The following SORCS1 variants were observed in gnomAD, a reference collection of about 807,000 sequenced individuals.
SORCS1 encodes the protein sortilin related VPS10 domain containing receptor 1, also known as VPS10 domain-containing receptor SorCS1.
In SORCS1, 60 loss-of-function variants were observed where a neutral mutation model predicts 146.1. That is an observed-to-expected ratio of 0.41 (90% CI 0.33 to 0.51). The LOEUF (loss-of-function observed/expected upper bound fraction) is 0.51, where lower values mean the gene tolerates loss of function less well. Ranked by LOEUF, SORCS1 falls within the 20% of genes least tolerant of loss-of-function variation. The probability of loss-of-function intolerance (pLI) is 0.21; values close to 1 mark genes in which losing one functional copy is unlikely to be tolerated. For synonymous variants in SORCS1, 637 were observed against 584.0 expected, an observed-to-expected ratio of 1.09 and a Z score of -1.31; for missense variants, 1,352 against 1,487.6, an observed-to-expected ratio of 0.91 and a Z score of 1.50.
chr10:106,767,397 T>C (rs949352240), intron 4 of SORCS1, among the ~76,000 whole-genome samples: 1 of 152,224 alleles, frequency 6.6e-6, no homozygotes, highest in Non-Finnish European at 1.5e-5. Context: ...GTGGGCGAGT[T>C]TGATTTGTGA....
At chr10:107,084,092 G>GTT (rs34590427) in intron 1 of SORCS1, among the ~76,000 whole-genome samples, 74 of 113,736 alleles carry the variant, frequency 6.5e-4, no homozygotes, top group East Asian at 2.4e-3. Flanking sequence ...GTTGTTTTTT[G>GTT]TTTTTTTTTT....
At chr10:107,148,562 T>C (rs1968522174) in intron 1 of SORCS1, among the ~76,000 whole-genome samples, 1 of 152,360 alleles carries the variant, frequency 6.6e-6, no homozygotes, top group African/African-American at 2.4e-5. Context: ...GCCACCCCTG[T>C]GTAAATTACC....
At chr10:106,773,341 C>A (rs1860169900) in intron 4 of SORCS1, among the ~76,000 whole-genome samples, 1 of 152,230 alleles carries the variant, frequency 6.6e-6, no homozygotes, top group Non-Finnish European at 1.5e-5. Context: ...TTCCACGACC[C>A]ATGGGGGACT....
At chr10:106,720,558 T>C (rs1247011554) in intron 6 of SORCS1, among the ~76,000 whole-genome samples, 2 of 120,922 alleles carry the variant, frequency 1.7e-5, no homozygotes, top group Non-Finnish European at 3.7e-5. Flanking sequence ...ATGCCGATGC[T>C]ACTTTTTTTT....
intron 1 of SORCS1, among the ~76,000 whole-genome samples, chr10:107,109,208 A>G (rs1031335743): frequency 2.0e-5 from 3 of 152,242 alleles, no homozygotes; most frequent in African/African-American, 7.2e-5. Flanking sequence ...GCAGTGCCAC[A>G]GTGAGGACTC....
Position 107,129,412 on chromosome 10 carries a change from A to T in SORCS1, c.558+34557T>A, listed in dbSNP as rs115220917. Among the ~76,000 whole-genome samples, 323 of 152,306 alleles carry T rather than the reference A, an allele frequency of 2.1e-3. 1 individual carries two copies. Among genetic ancestry groups the T allele is most frequent in the African/African-American group, 7.6e-3 (314 of 41,550 alleles). The stretch of plus-strand genomic sequence containing the variant: ...AAGAGAAATACAATGATTGGGCTCA[A>T]TTGCTCACTGGCATAAAAAGAAGGG... On this transcript the variant is annotated intron_variant, in intron 1 of 25. Transcript: ENST00000263054.
intron 2 of SORCS1, among the ~76,000 whole-genome samples, chr10:106,875,108 C>T (rs1950548506): frequency 6.6e-6 from 1 of 152,040 alleles, no homozygotes; most frequent in South Asian, 2.1e-4. Flanking sequence ...ATCCCACATC[C>T]CCCTTCCACT....
intron 17 of SORCS1, among the ~76,000 whole-genome samples, chr10:106,657,110 A>C (rs1358997615): frequency 6.6e-6 from 1 of 152,198 alleles, no homozygotes; most frequent in Non-Finnish European, 1.5e-5. Flanking sequence ...CTGGGCATCT[A>C]CCAAAAGGAA....
At chr10:106,980,893 T>G (rs1402138268) in intron 1 of SORCS1, among the ~76,000 whole-genome samples, 2 of 152,200 alleles carry the variant, frequency 1.3e-5, no homozygotes, top group Admixed American at 6.5e-5. Context: ...CAATTCTTCA[T>G]TCTTCTCCTT....
intron 6 of SORCS1, among the ~76,000 whole-genome samples, chr10:106,720,582 A>G (rs1855713263): frequency 6.6e-6 from 1 of 151,574 alleles, no homozygotes; most frequent in Admixed American, 6.6e-5. Flanking sequence ...GTACGATGCT[A>G]CTTTTTTTTT....
intron 5 of SORCS1, among the ~76,000 whole-genome samples, chr10:106,739,563 C>T: frequency 6.6e-6 from 1 of 151,618 alleles, no homozygotes; most frequent in East Asian, 1.9e-4. Context: ...AATCCCAGCA[C>T]TTTGGGAGGC....
chr10:106,716,821 T>A (rs1355320547), intron 6 of SORCS1, among the ~76,000 whole-genome samples: 2 of 152,262 alleles, frequency 1.3e-5, no homozygotes, highest in African/African-American at 2.4e-5. Context: ...GGATCACATG[T>A]TTTTTTCTCT....
intron 1 of SORCS1, among the ~76,000 whole-genome samples, chr10:106,994,249 TG>T (rs1006900722): frequency 1.3e-5 from 2 of 152,088 alleles, no homozygotes; most frequent in African/African-American, 4.8e-5. Context: ...AATTGATTTT[TG>T]GGGGGTCAGC....
chr10:107,001,643 T>C (rs933042266), intron 1 of SORCS1, among the ~76,000 whole-genome samples: 5 of 152,234 alleles, frequency 3.3e-5, no homozygotes. Flanking sequence ...TTTATATTTT[T>C]AGCAGAGACA....
At chr10:106,924,764 AT>A (rs368269912) in intron 2 of SORCS1, among the ~76,000 whole-genome samples, 179 of 99,902 alleles carry the variant, frequency 1.8e-3, no homozygotes, top group South Asian at 0.011. Context: ...AACTGCATGG[AT>A]TTTTTTTTTT....
chr10:106,607,533 G>A (rs1846689040), intron 22 of SORCS1, among the ~76,000 whole-genome samples: 1 of 152,204 alleles, frequency 6.6e-6, no homozygotes, highest in Non-Finnish European at 1.5e-5. Flanking sequence ...GAGACCTTAA[G>A]CTCATTGCTT....
chr10:106,744,003 T>A (rs1857541282), intron 5 of SORCS1, among the ~76,000 whole-genome samples: 1 of 152,206 alleles, frequency 6.6e-6, no homozygotes, highest in Non-Finnish European at 1.5e-5. Flanking sequence ...GATGTAATAT[T>A]AGAACACACT....
At chr10:106,673,136 C>CTT (rs11397124) in intron 14 of SORCS1, 151 bp from the exon 15 acceptor site, 40,551 of 441,488 alleles carry the variant, frequency 0.092, 86 homozygotes, top group Middle Eastern at 0.11. Flanking sequence ...GAAGAGGGTA[C>CTT]TTTTTTTTTT....
At chr10:107,031,853 T>A (rs1958673077) in intron 1 of SORCS1, among the ~76,000 whole-genome samples, 1 of 152,234 alleles carries the variant, frequency 6.6e-6, no homozygotes, top group African/African-American at 2.4e-5. Flanking sequence ...GCATCTTTTC[T>A]GCTTCTCTTT....
Sources: gnomAD v4.1 joint callset for allele counts (sites outside exome capture counted in the v4.1 genomes callset) on GRCh38, gnomAD v4.1.1 for gene constraint, MANE v1.5 for transcripts, NCBI Gene and HGNC (gene_info 2026-07-23, HGNC 2026-07-21) for gene names.